IMMP2L: variants seen among roughly 807,000 people sequenced by gnomAD.
IMMP2L encodes inner mitochondrial membrane peptidase subunit 2.
Under a neutral mutation model 19.3 loss-of-function variants are expected in IMMP2L, and 18 were observed. The observed-to-expected ratio is 0.93, with a 90% CI of 0.64 to 1.38. The LOEUF (loss-of-function observed/expected upper bound fraction) is 1.38, where lower values mean the gene tolerates loss of function less well. IMMP2L is among the 40% of genes most tolerant of loss of function. The pLI is 0.00. For synonymous variants in IMMP2L, 76 were observed against 73.0 expected, an observed-to-expected ratio of 1.04 and a Z score of -0.21; for missense variants, 233 against 218.2, an observed-to-expected ratio of 1.07 and a Z score of -0.43.
At chr7:110,665,681 C>G (rs1167580517) in intron 5 of IMMP2L, among the ~76,000 whole-genome samples, 1 of 152,118 alleles carries the variant, frequency 6.6e-6, no homozygotes, top group Non-Finnish European at 1.5e-5. Flanking sequence ...TGACTAGAGT[C>G]AAGTTCCATC....
intron 5 of IMMP2L, among the ~76,000 whole-genome samples, chr7:110,682,893 A>C (rs1051306174): frequency 6.6e-6 from 1 of 152,132 alleles, no homozygotes; most frequent in Non-Finnish European, 1.5e-5. Context: ...TTCGGAGGCA[A>C]TGCTAGAAAG....
At chr7:111,553,043 G>A (rs1790855470) in intron 1 of IMMP2L, among the ~76,000 whole-genome samples, 1 of 152,074 alleles carries the variant, frequency 6.6e-6, no homozygotes. Flanking sequence ...GCTGATATCT[G>A]ACAGCAACCT....
chr7:110,865,903 A>T (rs982933477), intron 5 of IMMP2L, among the ~76,000 whole-genome samples: 1 of 152,126 alleles, frequency 6.6e-6, no homozygotes, highest in African/African-American at 2.4e-5. Flanking sequence ...TAGGCTAAAA[A>T]TTGATACAAA....
At chr7:110,956,313 C>T (rs891165500) in intron 4 of IMMP2L, among the ~76,000 whole-genome samples, 1 of 152,060 alleles carries the variant, frequency 6.6e-6, no homozygotes, top group African/African-American at 2.4e-5. Context: ...TTAAAGAAAG[C>T]CTTGTGCTGT....
intron 3 of IMMP2L, among the ~76,000 whole-genome samples, chr7:111,399,370 AT>A (rs562628977): frequency 2.0e-5 from 3 of 151,112 alleles, no homozygotes; most frequent in African/African-American, 4.9e-5. Context: ...AAACAGATTA[AT>A]TTTTTTTTGA....
At chr7:111,157,886 A>C (rs969394006) in intron 3 of IMMP2L, among the ~76,000 whole-genome samples, 2 of 151,970 alleles carry the variant, frequency 1.3e-5, no homozygotes, top group Non-Finnish European at 1.5e-5. Flanking sequence ...AAATAAAATA[A>C]AATAATAAAT....
chr7:110,970,640 C>G (rs4730472), intron 3 of IMMP2L, among the ~76,000 whole-genome samples: 87,272 of 151,856 alleles, frequency 0.57, 25,365 homozygotes, highest in Non-Finnish European at 0.63. Flanking sequence ...ACTGACTACT[C>G]TTTCAATACA....
intron 1 of IMMP2L, among the ~76,000 whole-genome samples, chr7:111,535,812 G>A (rs1222793760): frequency 6.6e-6 from 1 of 152,054 alleles, no homozygotes; most frequent in East Asian, 1.9e-4. Context: ...TGGGAATCAG[G>A]GAAGAATGCT....
intron 3 of IMMP2L, among the ~76,000 whole-genome samples, chr7:111,021,726 T>C (rs917977864): frequency 1.3e-5 from 2 of 152,028 alleles, no homozygotes; most frequent in Non-Finnish European, 2.9e-5. Flanking sequence ...CTACTAAAAA[T>C]ACAAAAATTA....
At chr7:111,374,603 G>A (rs1830522457) in intron 3 of IMMP2L, among the ~76,000 whole-genome samples, 1 of 152,040 alleles carries the variant, frequency 6.6e-6, no homozygotes, top group Non-Finnish European at 1.5e-5. Flanking sequence ...ACAGTATAAA[G>A]GGGAAAAAGC....
chr7:111,405,554 G>A (rs1042409838), intron 3 of IMMP2L, among the ~76,000 whole-genome samples: 2 of 152,030 alleles, frequency 1.3e-5, no homozygotes, highest in African/African-American at 4.8e-5. Context: ...AAAGATTAGA[G>A]TATTATCTGT....
chr7:111,250,438 A>ATCC (rs1390511609), intron 3 of IMMP2L, among the ~76,000 whole-genome samples: 84 of 152,130 alleles, frequency 5.5e-4, no homozygotes, highest in African/African-American at 1.9e-3. Flanking sequence ...AAGGAGCCTG[A>ATCC]ATAGCCACAA....
At chr7:110,850,159 C>T (rs1028555182) in intron 5 of IMMP2L, among the ~76,000 whole-genome samples, 5 of 151,834 alleles carry the variant, frequency 3.3e-5, no homozygotes, top group Non-Finnish European at 7.4e-5. Context: ...AGCTATATAT[C>T]AGCAATTAGG....
At chr7:111,392,956 A>C in intron 3 of IMMP2L, 1 of 412,482 alleles carries the variant, frequency 2.4e-6, no homozygotes, top group Non-Finnish European at 4.8e-6. Flanking sequence ...CAATTATAAA[A>C]GTCTCAGAAC....
Position 111,281,180 on chromosome 7 carries a change from A to C in IMMP2L, c.239+206058T>G, listed in dbSNP as rs1001759856. On this transcript the variant is annotated intron_variant, in intron 3 of 5. Transcript: ENST00000405709. ...ACAGAAAGAAAGAAAGAAAGAAAGAAAGAAAGAAAGAAAGAAAGAAAGAAA... is the reference window on the plus strand; with the variant it reads ...ACAGAAAGAAAGAAAGAAAGAAAGACAGAAAGAAAGAAAGAAAGAAAGAAA... Among the ~76,000 whole-genome samples, 152 of 58,502 alleles carry C rather than the reference A, an allele frequency of 2.6e-3. 3 individuals are homozygous for C. Among genetic ancestry groups the C allele is most frequent in the Middle Eastern group, 8.1e-3 (1 of 124 alleles). 38.4% of individuals were successfully genotyped at this position (58,502 alleles called of 152,430 possible). A position where few individuals can be genotyped will look rare whatever the true frequency, so the allele number is the denominator to read the frequency against.
intron 5 of IMMP2L, among the ~76,000 whole-genome samples, chr7:110,740,404 G>C (rs1436743976): frequency 6.6e-6 from 1 of 152,100 alleles, no homozygotes; most frequent in African/African-American, 2.4e-5. Context: ...TGATGCTACA[G>C]AAATACAAAA....
At chr7:111,154,077 C>T (rs1484904329) in intron 3 of IMMP2L, among the ~76,000 whole-genome samples, 1 of 152,018 alleles carries the variant, frequency 6.6e-6, no homozygotes, top group African/African-American at 2.4e-5. Flanking sequence ...ATGAAAGGAT[C>T]CCCACTAATT....
intron 3 of IMMP2L, among the ~76,000 whole-genome samples, chr7:111,327,572 T>C (rs928259958): frequency 6.6e-6 from 1 of 151,550 alleles, no homozygotes; most frequent in African/African-American, 2.4e-5. Context: ...CATGAGCAAA[T>C]ACATAATATA....
chr7:110,783,643 T>C (rs1562972408), intron 5 of IMMP2L, among the ~76,000 whole-genome samples: 1 of 151,966 alleles, frequency 6.6e-6, no homozygotes, highest in Admixed American at 6.6e-5. Context: ...CATTTTACTA[T>C]ATCAGGGTTC....
Sources: allele counts gnomAD v4.1 joint callset (sites outside exome capture counted in the v4.1 genomes callset), GRCh38; gene constraint gnomAD v4.1.1; transcripts MANE v1.5; gene names NCBI Gene and HGNC (gene_info 2026-07-23, HGNC 2026-07-21).